The following CCSER1 variants were observed in gnomAD, a reference collection of about 807,000 sequenced individuals.
The protein encoded by CCSER1 is serine-rich coiled-coil domain-containing protein 1.
In CCSER1, 41 loss-of-function variants were observed where a neutral mutation model predicts 82.0. That is an observed-to-expected ratio of 0.50 (90% CI 0.39 to 0.65). CCSER1 has a LOEUF of 0.65. CCSER1 is among the 30% of genes least tolerant of loss of function. The pLI is 0.00. For missense variants in CCSER1, 1,119 were observed against 1,064.2 expected (o/e 1.05, Z -0.72); for synonymous variants, 414 against 383.9 (o/e 1.08, Z -0.92).
chr4:90,735,790 ATT>A (rs1745538618), intron 7 of CCSER1, among the ~76,000 whole-genome samples: 1 of 151,822 alleles, frequency 6.6e-6, no homozygotes, highest in Non-Finnish European at 1.5e-5. Context: ...TTTAAAATGC[ATT>A]GTTAGGTTGT....
chr4:90,693,708 G>A lies in CCSER1; in HGVS notation c.1933-30206G>A, dbSNP rs531491774. 3.9e-5 allele frequency among the ~76,000 whole-genome samples: 6 copies of A among 151,996 alleles called. No individual in the cohort carries two copies. The East Asian group carries it at 1.2e-3, about 29-fold the overall frequency. ...GTGTAACCTATGAAAAACTCTCCAA[G>A]CCTCAGTTTCTTATAAAATAAGATA... On this transcript the variant is annotated intron_variant, in intron 6 of 10. Coordinates refer to ENST00000509176, the MANE Select transcript of CCSER1 (RefSeq NM_001145065.2).
intron 1 of CCSER1, among the ~76,000 whole-genome samples, chr4:90,130,465 A>T (rs1164786982): frequency 6.6e-6 from 1 of 152,212 alleles, no homozygotes; most frequent in East Asian, 1.9e-4. Context: ...TGTGGATAAG[A>T]AAAATATAAG....
chr4:91,160,656 G>A (rs1358876927), intron 10 of CCSER1, among the ~76,000 whole-genome samples: 2 of 152,172 alleles, frequency 1.3e-5, no homozygotes, highest in Non-Finnish European at 2.9e-5. Flanking sequence ...GTGATGATGA[G>A]CATGTTTTCA....
At chr4:90,448,418 T>A (rs1454297270) in intron 4 of CCSER1, among the ~76,000 whole-genome samples, 1 of 141,678 alleles carries the variant, frequency 7.1e-6, no homozygotes, top group Non-Finnish European at 1.5e-5. Flanking sequence ...TTTATCAGAC[T>A]GCTTTTTTTT....
At chr4:90,382,557 A>G (rs1749368141) in intron 3 of CCSER1, among the ~76,000 whole-genome samples, 1 of 152,086 alleles carries the variant, frequency 6.6e-6, no homozygotes, top group Non-Finnish European at 1.5e-5. Flanking sequence ...TAGTAATTGA[A>G]GTATAATTCT....
At chr4:90,554,310 G>A (rs559121080) in intron 5 of CCSER1, among the ~76,000 whole-genome samples, 42 of 152,282 alleles carry the variant, frequency 2.8e-4, no homozygotes, top group Admixed American at 1.6e-3. Flanking sequence ...GCCTCAGGGA[G>A]CCATGGTTTT....
intron 5 of CCSER1, among the ~76,000 whole-genome samples, chr4:90,470,532 G>T: frequency 6.6e-6 from 1 of 152,196 alleles, no homozygotes; most frequent in East Asian, 1.9e-4. Flanking sequence ...AATTTATAAA[G>T]TACAAAGGTA....
intron 4 of CCSER1, among the ~76,000 whole-genome samples, chr4:90,427,270 T>A (rs1295411678): frequency 6.6e-6 from 1 of 151,770 alleles, no homozygotes; most frequent in Non-Finnish European, 1.5e-5. Flanking sequence ...TGTTAAAAAA[T>A]AATAGTTTAG....
At chr4:90,176,904 C>T (rs1241376313) in intron 1 of CCSER1, among the ~76,000 whole-genome samples, 1 of 152,038 alleles carries the variant, frequency 6.6e-6, no homozygotes, top group African/African-American at 2.4e-5. Flanking sequence ...TGTTGCAAGT[C>T]ATATTCCCCT....
chr4:90,790,340 A>G (rs1755066932), intron 7 of CCSER1, among the ~76,000 whole-genome samples: 1 of 152,174 alleles, frequency 6.6e-6, no homozygotes, highest in Non-Finnish European at 1.5e-5. Context: ...TGAATAAAAC[A>G]TAATTTATTG....
chr4:91,491,955 T>G (rs1200000785), intron 10 of CCSER1, among the ~76,000 whole-genome samples: 2 of 151,480 alleles, frequency 1.3e-5, no homozygotes, highest in Admixed American at 6.6e-5. Context: ...ATAGTTTTTT[T>G]TTTTTTTTTT....
At chr4:90,343,772 G>A (rs1401221499) in intron 3 of CCSER1, among the ~76,000 whole-genome samples, 1 of 152,014 alleles carries the variant, frequency 6.6e-6, no homozygotes, top group Non-Finnish European at 1.5e-5. Flanking sequence ...GTACATAGTG[G>A]TATATATATG....
intron 1 of CCSER1, among the ~76,000 whole-genome samples, chr4:90,262,488 C>T (rs1004162754): frequency 1.2e-4 from 19 of 152,102 alleles, no homozygotes; most frequent in African/African-American, 3.6e-4. Context: ...ATTGCCCCAT[C>T]GTATGCATTT....
At chr4:91,087,946 GTTCTT>G (rs1247473626) in intron 10 of CCSER1, among the ~76,000 whole-genome samples, 1 of 152,032 alleles carries the variant, frequency 6.6e-6, no homozygotes, top group Non-Finnish European at 1.5e-5. Flanking sequence ...TGTAAAAACT[GTTCTT>G]TTCAAGTCTC....
chr4:91,411,491 C>CTTATATATATATATATATATAT (rs1753020716), intron 10 of CCSER1, among the ~76,000 whole-genome samples: 1 of 53,812 alleles, frequency 1.9e-5, no homozygotes, highest in Non-Finnish European at 3.3e-5. Context: ...TGCATATATA[C>CTTATATATATATATATATATAT]ATATATATAT....
chr4:91,374,196 C>T (rs189463987), intron 10 of CCSER1, among the ~76,000 whole-genome samples: 3 of 151,880 alleles, frequency 2.0e-5, no homozygotes, highest in East Asian at 1.9e-4. Context: ...TGAAGGTGGC[C>T]GCATTTCAAA....
At chr4:90,685,344 A>T (rs1734633203) in intron 6 of CCSER1, among the ~76,000 whole-genome samples, 1 of 152,086 alleles carries the variant, frequency 6.6e-6, no homozygotes, top group Admixed American at 6.6e-5. Flanking sequence ...AATCAAGGAA[A>T]TTTTCCTGTG....
At chr4:90,850,616 C>T (rs1258272021) in intron 8 of CCSER1, among the ~76,000 whole-genome samples, 1 of 152,160 alleles carries the variant, frequency 6.6e-6, no homozygotes, top group Non-Finnish European at 1.5e-5. Context: ...GCCTATAGCC[C>T]CTTTGTTTTG....
chr4:90,879,108 A>C (rs1580895120), intron 8 of CCSER1, among the ~76,000 whole-genome samples: 1 of 152,296 alleles, frequency 6.6e-6, no homozygotes, highest in Admixed American at 6.5e-5. Flanking sequence ...TTGTCCCATC[A>C]CATAACTTCA....
Sources: gnomAD v4.1 joint callset for allele counts (sites outside exome capture counted in the v4.1 genomes callset) on GRCh38, gnomAD v4.1.1 for gene constraint, MANE v1.5 for transcripts, NCBI Gene and HGNC (gene_info 2026-07-23, HGNC 2026-07-21) for gene names.